ABLIM1: variants seen among roughly 807,000 people sequenced by gnomAD.
ABLIM1 encodes the protein actin binding LIM protein 1, also known as actin-binding LIM protein 1.
In ABLIM1, 40 loss-of-function variants were observed where a neutral mutation model predicts 107.0. The ratio of observed to expected loss-of-function variants is 0.37; its 90% CI spans 0.29 to 0.49. The LOEUF is 0.49. Ranked by LOEUF, ABLIM1 falls within the 20% of genes least tolerant of loss-of-function variation. The pLI, the probability that ABLIM1 is intolerant of heterozygous loss-of-function variation, is 0.97. For synonymous variants in ABLIM1, 357 were observed against 357.3 expected, an observed-to-expected ratio of 1.00 and a Z score of 0.01; for missense variants, 857 against 1,008.5, an observed-to-expected ratio of 0.85 and a Z score of 2.04.
At chr10:114,659,851 C>T (rs2079710039), upstream of ABLIM1, among the ~76,000 whole-genome samples, 1 of 152,176 alleles carries the variant, frequency 6.6e-6, no homozygotes, top group Non-Finnish European at 1.5e-5. Flanking sequence ...GGTCTTCTGC[C>T]TCCCATGCTG....
At chr10:114,695,794 T>C (rs992063070) in intron 1 of ABLIM1, among the ~76,000 whole-genome samples, 1 of 152,190 alleles carries the variant, frequency 6.6e-6, no homozygotes, top group African/African-American at 2.4e-5. Context: ...AGGATTTCCA[T>C]GTATGAAGCT....
intron 2 of ABLIM1, among the ~76,000 whole-genome samples, chr10:114,598,205 C>T (rs376580114): frequency 9.8e-5 from 13 of 133,140 alleles, no homozygotes; most frequent in African/African-American, 3.4e-4. Context: ...ACCCGGAAGG[C>T]GGAGGTTGCA....
chr10:114,583,490 T>C (rs1453880977), intron 2 of ABLIM1, among the ~76,000 whole-genome samples: 35 of 33,540 alleles, frequency 1.0e-3, no homozygotes, highest in South Asian at 2.5e-3. Flanking sequence ...TATATATATA[T>C]ATATATATAT....
intron 1 of ABLIM1, among the ~76,000 whole-genome samples, chr10:114,670,334 G>A (rs531588991): frequency 3.3e-5 from 5 of 152,202 alleles, no homozygotes; most frequent in African/African-American, 1.2e-4. Flanking sequence ...CTGAAATTAT[G>A]TCAAAATCAA....
intron 6 of ABLIM1, among the ~76,000 whole-genome samples, chr10:114,531,678 C>G (rs1428952224): frequency 6.6e-6 from 1 of 152,272 alleles, no homozygotes; most frequent in African/African-American, 2.4e-5. Flanking sequence ...CCACCACACC[C>G]AGCTAATTTT....
the ABLIM1 span, among the ~76,000 whole-genome samples, chr10:114,783,561 G>C: frequency 6.6e-6 from 1 of 151,984 alleles, no homozygotes; most frequent in African/African-American, 2.4e-5. Context: ...AGAAGAAAAA[G>C]AAGAATGCTA....
chr10:114,649,177 C>G (rs998716494), intron 1 of ABLIM1, among the ~76,000 whole-genome samples: 1 of 151,918 alleles, frequency 6.6e-6, no homozygotes, highest in Non-Finnish European at 1.5e-5. Context: ...GCGGGCAGGT[C>G]ATTTGAGGTC....
chr10:114,762,967 G>T, intron 1 of ABLIM1, among the ~76,000 whole-genome samples: 1 of 152,136 alleles, frequency 6.6e-6, no homozygotes, highest in South Asian at 2.1e-4. Context: ...CGAAAACAAC[G>T]TTAGCAAAAC....
chr10:114,728,602 A>C (rs1002946737), intron 1 of ABLIM1, among the ~76,000 whole-genome samples: 1 of 151,544 alleles, frequency 6.6e-6, no homozygotes, highest in African/African-American at 2.4e-5. Flanking sequence ...CAAAAAAAAA[A>C]AAAATAGAAA....
intron 8 of ABLIM1, among the ~76,000 whole-genome samples, chr10:114,478,182 AG>A (rs1340417824): frequency 2.0e-5 from 3 of 152,224 alleles, no homozygotes; most frequent in Non-Finnish European, 4.4e-5. Flanking sequence ...GGTTTTTAAA[AG>A]TTTTCAGATC....
rs767772312 is a variant in ABLIM1 at position 114,431,183 on chromosome 10, G to A, written c.*5077C>T. The A allele has an allele frequency of 6.6e-6, 1 of 152,290 alleles. No individual in the cohort carries two copies. Among genetic ancestry groups the A allele is most frequent in the African/African-American group, 2.4e-5 (1 of 41,448 alleles). 9.4% of individuals were successfully genotyped at this position (152,290 alleles called of 1,614,324 possible). A position where few individuals can be genotyped will look rare whatever the true frequency, so the allele number is the denominator to read the frequency against. On this transcript the variant is annotated 3_prime_UTR_variant, in exon 23 of 23. Coordinates refer to ENST00000533213, the MANE Select transcript of ABLIM1 (RefSeq NM_002313.7). Reference sequence around the variant, plus strand: ...GTGATGCAGAGTATATGACAAAGGAGTGCAGTGAGTGCTGCTGGCAACAGG... The same window carrying A: ...GTGATGCAGAGTATATGACAAAGGAATGCAGTGAGTGCTGCTGGCAACAGG...
At chr10:114,713,505 C>T (rs984176217) in intron 1 of ABLIM1, among the ~76,000 whole-genome samples, 3 of 152,142 alleles carry the variant, frequency 2.0e-5, no homozygotes, top group Admixed American at 6.5e-5. Flanking sequence ...AGGGATAGTC[C>T]GGAAGCTATC....
intron 8 of ABLIM1, among the ~76,000 whole-genome samples, chr10:114,484,584 T>C (rs1031343366): frequency 1.6e-4 from 24 of 152,084 alleles, no homozygotes; most frequent in Non-Finnish European, 2.6e-4. Flanking sequence ...GGTTTCACCA[T>C]GTTGGCCAGG....
At chr10:114,686,263 G>T (rs2080932771), upstream of ABLIM1, among the ~76,000 whole-genome samples, 1 of 152,028 alleles carries the variant, frequency 6.6e-6, no homozygotes, top group African/African-American at 2.4e-5. Context: ...AATCCCAGCA[G>T]TTTGGGAGGC....
chr10:114,485,447 T>A lies in ABLIM1; in HGVS notation c.1041+2511A>T. On this transcript the variant is annotated intron_variant, in intron 8 of 22. Coordinates refer to ENST00000533213, the MANE Select transcript of ABLIM1 (RefSeq NM_002313.7). ...TAGCCTCAAATCAGAAGAATTATTT[T>A]AAAAAATAAAACAAAACAACAACCA... 8 of 1,389,444 alleles carry A rather than the reference T, an allele frequency of 5.8e-6. 1 individual carries two copies. The highest frequency in any genetic ancestry group is 6.8e-6 in the Non-Finnish European group (7 of 1,026,818). 86.1% of individuals were successfully genotyped at this position (1,389,444 alleles called of 1,614,324 possible). A position where few individuals can be genotyped will look rare whatever the true frequency, so the allele number is the denominator to read the frequency against.
intron 6 of ABLIM1, among the ~76,000 whole-genome samples, chr10:114,540,768 G>A (rs1386968210): frequency 3.9e-5 from 6 of 152,190 alleles, no homozygotes; most frequent in Non-Finnish European, 8.8e-5. Context: ...TTAGGGCTCA[G>A]TGAGTGTTAA....
chr10:114,545,102 C>A lies in ABLIM1; in HGVS notation c.801-4G>T, dbSNP rs1002547380. 2 of 1,613,964 alleles carry A rather than the reference C, an allele frequency of 1.2e-6. No individual in the cohort carries two copies. The highest frequency in any genetic ancestry group is 1.7e-6 in the Non-Finnish European group (2 of 1,179,964). ...TTCACAGTACGGAGCACCATCCCTG[C>A]AAGACAAAAACGTGTTCGGCTCCTG... On this transcript the variant is annotated splice_region_variant and splice_polypyrimidine_tract_variant and intron_variant, in intron 5 of 22. Transcript: ENST00000533213.
intron 1 of ABLIM1, among the ~76,000 whole-genome samples, chr10:114,673,609 C>T (rs530368358): frequency 1.3e-5 from 2 of 152,356 alleles, no homozygotes; most frequent in East Asian, 1.9e-4. Context: ...GCCAGGCCTC[C>T]GCTTCAGTGT....
intron 1 of ABLIM1, among the ~76,000 whole-genome samples, chr10:114,602,348 G>A (rs2076079553): frequency 6.6e-6 from 1 of 152,202 alleles, no homozygotes; most frequent in African/African-American, 2.4e-5. Flanking sequence ...GTGGACTGTA[G>A]GTCCTTGAAG....
Sources: gnomAD v4.1 joint callset for allele counts (sites outside exome capture counted in the v4.1 genomes callset) on GRCh38, gnomAD v4.1.1 for gene constraint, MANE v1.5 for transcripts, NCBI Gene and HGNC (gene_info 2026-07-23, HGNC 2026-07-21) for gene names.